PARD3B: variants seen among roughly 807,000 people sequenced by gnomAD.
The protein encoded by PARD3B is partitioning defective 3 homolog B.
In PARD3B, 103 loss-of-function variants were observed where a neutral mutation model predicts 130.2. The observed-to-expected ratio is 0.79, with a 90% CI of 0.67 to 0.93. PARD3B has a LOEUF of 0.93. Ranked by LOEUF, PARD3B falls within the 40% of genes least tolerant of loss-of-function variation. The pLI is 0.00. For missense variants in PARD3B, 1,609 were observed against 1,499.2 expected (o/e 1.07, Z -1.21); for synonymous variants, 583 against 553.2 (o/e 1.05, Z -0.76).
Position 205,172,222 on chromosome 2 carries a change from G to A in PARD3B, c.1632G>A (p.Leu544=). ...HGGAAFKDGR[L]RMNDQLIAVN... is the part of the protein sequence containing the mutation. ...TTCTTCTGCCTTAGGATGGTCGTCT[G>A]CGAATGAATGACCAGCTGATTGCAG... The change falls in exon 12 of 23, where the codon CTG becomes CTA. Residue 544 remains leucine, a synonymous_variant. Transcript: ENST00000406610. 1 of 1,614,034 alleles carries A rather than the reference G, an allele frequency of 6.2e-7. No individual in the cohort carries two copies.
chr2:204,758,786 A>G (rs563410776), intron 2 of PARD3B, among the ~76,000 whole-genome samples: 3 of 152,182 alleles, frequency 2.0e-5, no homozygotes, highest in South Asian at 4.1e-4. Flanking sequence ...GGCATTCTTT[A>G]TGATTCTTGT....
chr2:204,741,078 C>T (rs995377105), intron 2 of PARD3B, among the ~76,000 whole-genome samples: 11 of 151,992 alleles, frequency 7.2e-5, no homozygotes, highest in South Asian at 4.1e-4. Flanking sequence ...ATTTGAATAA[C>T]GCATAGTTTA....
chr2:204,808,908 A>G (rs926899286), intron 2 of PARD3B, among the ~76,000 whole-genome samples: 2 of 151,992 alleles, frequency 1.3e-5, no homozygotes, highest in African/African-American at 4.8e-5. Flanking sequence ...GAATCACCAC[A>G]CTGCTTTTCA....
At chr2:205,490,482 A>G (rs2106318099) in intron 20 of PARD3B, among the ~76,000 whole-genome samples, 1 of 152,224 alleles carries the variant, frequency 6.6e-6, no homozygotes, top group Non-Finnish European at 1.5e-5. Flanking sequence ...TGTGGTGTAT[A>G]TGTGCCACAT....
Position 205,213,355 on chromosome 2 carries a change from A to C in PARD3B, c.2140+20035A>C, listed in dbSNP as rs889713684. 2.0e-5 allele frequency among the ~76,000 whole-genome samples: 3 copies of C among 151,858 alleles called. No individual in the cohort carries two copies. The East Asian group carries it at 5.8e-4, about 29-fold the overall frequency. ...TCCTTTGATATTCTTTTGAGTGAGC[A>C]TTTTTTTTCCCATTCCAATCAGGTT... On this transcript the variant is annotated intron_variant, in intron 15 of 22. Transcript: ENST00000406610.
rs532494740 is a variant in PARD3B, at chr2:205,366,960, C to T, written c.2631-34053C>T. Among the ~76,000 whole-genome samples the T allele has an allele frequency of 3.7e-4, 56 of 152,302 alleles. No individual in the cohort carries two copies. The highest frequency in any genetic ancestry group is 4.1e-4 in the South Asian group (2 of 4,826). ...GGTCTGGGAAGCTGTAAAAACAAAACCTGTGCTGAACAGCCCCCAATATCT... is the reference window on the plus strand; with the variant it reads ...GGTCTGGGAAGCTGTAAAAACAAAATCTGTGCTGAACAGCCCCCAATATCT... On this transcript the variant is annotated intron_variant, in intron 18 of 22. Coordinates refer to ENST00000406610, the MANE Select transcript of PARD3B (RefSeq NM_001302769.2). This position sits in a 1 kb window ranked among gnomAD's most constrained non-coding sequence, Gnocchi z 5.0.
intron 21 of PARD3B, among the ~76,000 whole-genome samples, chr2:205,535,984 G>A (rs1220946107): frequency 6.6e-6 from 1 of 152,140 alleles, no homozygotes; most frequent in Non-Finnish European, 1.5e-5. Flanking sequence ...GGATTGAGAC[G>A]TAATCAAGGT....
At position 205,562,566 on chromosome 2, in the gene PARD3B, A is replaced by C. The variant is rs1394568468; in HGVS notation, c.3260+9163A>C. Reference sequence around the variant, plus strand: ...TATTAAGCTTGGTAAGCTGACTTGCATGTTTTCCCTCCTGCACATATTAAA... The same window carrying C: ...TATTAAGCTTGGTAAGCTGACTTGCCTGTTTTCCCTCCTGCACATATTAAA... On this transcript the variant is annotated intron_variant, in intron 22 of 22. Coordinates refer to ENST00000406610, the MANE Select transcript of PARD3B (RefSeq NM_001302769.2). This position sits in a 1 kb window ranked among gnomAD's most constrained non-coding sequence, Gnocchi z 5.4. Among the ~76,000 whole-genome samples the C allele has an allele frequency of 1.3e-5, 2 of 152,170 alleles. No individual in the cohort carries two copies. The highest frequency in any genetic ancestry group is 4.8e-5 in the African/African-American group (2 of 41,432).
At chr2:205,236,320 A>C (rs1057023643) in intron 15 of PARD3B, among the ~76,000 whole-genome samples, 2 of 152,186 alleles carry the variant, frequency 1.3e-5, no homozygotes, top group Non-Finnish European at 2.9e-5. Context: ...AGAGGAGTGA[A>C]TATTTCCCCA....
intron 18 of PARD3B, among the ~76,000 whole-genome samples, chr2:205,332,737 C>T (rs1239160168): frequency 6.6e-6 from 1 of 152,100 alleles, no homozygotes; most frequent in Non-Finnish European, 1.5e-5. Context: ...GTGCAGAGAG[C>T]TCTCCCTTCC....
intron 1 of PARD3B, among the ~76,000 whole-genome samples, chr2:204,616,485 C>T (rs1465726540): frequency 6.6e-6 from 1 of 152,106 alleles, no homozygotes; most frequent in African/African-American, 2.4e-5. Context: ...CTATTGAGAA[C>T]GTGGAGCAAC....
chr2:205,138,167 C>T lies in PARD3B; in HGVS notation c.1434+12430C>T, dbSNP rs568670745. On this transcript the variant is annotated intron_variant, in intron 10 of 22. Transcript: ENST00000406610. ...CGTTTAATTTCTTGAGTCTTAATTC[C>T]GTTCATGAATTTCTTATTGGGAAAT... Among the ~76,000 whole-genome samples, 5 of 152,202 alleles carry T rather than the reference C, an allele frequency of 3.3e-5. No individual in the cohort carries two copies. The East Asian group carries it at 7.7e-4, about 23-fold the overall frequency.
In PARD3B at chr2:205,547,834, A is replaced by G. The variant is rs78117027; in HGVS notation, c.3181-5490A>G. ...GCCTCAATTCTATTTTCCAAATGTT[A>G]TGGCCTAACTTAAATCATGCCAGTA... On this transcript the variant is annotated intron_variant, in intron 21 of 22. Coordinates refer to ENST00000406610, the MANE Select transcript of PARD3B (RefSeq NM_001302769.2). Among the ~76,000 whole-genome samples, 14 of 152,304 alleles carry G rather than the reference A, an allele frequency of 9.2e-5. No individual in the cohort carries two copies. The East Asian group carries it at 2.7e-3, about 29-fold the overall frequency.
chr2:204,878,984 T>C (rs920688477), intron 2 of PARD3B, among the ~76,000 whole-genome samples: 3 of 152,172 alleles, frequency 2.0e-5, no homozygotes, highest in Admixed American at 6.5e-5. Context: ...CAGAAAGCTG[T>C]AATTGTTGGT....
chr2:205,546,988 T>C (rs562747252), intron 21 of PARD3B, among the ~76,000 whole-genome samples: 120 of 152,278 alleles, frequency 7.9e-4, no homozygotes, highest in African/African-American at 2.8e-3. Context: ...TTTGGGGTGG[T>C]TTTCCACAAT....
intron 3 of PARD3B, among the ~76,000 whole-genome samples, chr2:204,976,602 GAT>G (rs1491110178): frequency 9.0e-6 from 1 of 110,594 alleles, no homozygotes; most frequent in Admixed American, 1.2e-4. Context: ...TTAGGTAATT[GAT>G]TTTTTTTTTT....
At chr2:205,296,597 C>A (rs1379632199) in intron 16 of PARD3B, among the ~76,000 whole-genome samples, 2 of 151,768 alleles carry the variant, frequency 1.3e-5, no homozygotes, top group African/African-American at 2.4e-5. Context: ...CCTTTTTATG[C>A]CTACAGGACA....
intron 10 of PARD3B, among the ~76,000 whole-genome samples, chr2:205,148,739 A>C (rs146080612): frequency 2.6e-3 from 394 of 152,284 alleles, no homozygotes; most frequent in African/African-American, 9.0e-3. Flanking sequence ...TTTTTTAAAA[A>C]AAAAAAGCTC....
At chr2:205,087,293 T>C (rs1016044459) in intron 4 of PARD3B, among the ~76,000 whole-genome samples, 2 of 152,180 alleles carry the variant, frequency 1.3e-5, no homozygotes. Context: ...ACCTTGCTAC[T>C]CCATTGATTA....
Sources: allele counts gnomAD v4.1 joint callset (sites outside exome capture counted in the v4.1 genomes callset), GRCh38; gene constraint gnomAD v4.1.1; non-coding constraint Gnocchi (gnomAD v3.1); transcripts MANE v1.5; gene names NCBI Gene and HGNC (gene_info 2026-07-23, HGNC 2026-07-21).